UBA52: variants seen among roughly 807,000 people sequenced by gnomAD.
The protein encoded by UBA52 is ubiquitin A-52 residue ribosomal protein fusion product 1.
Under a neutral mutation model 15.3 loss-of-function variants are expected in UBA52, and 1 was observed. That is an observed-to-expected ratio of 0.07 (90% CI 0.02 to 0.31). UBA52 has a LOEUF of 0.31. Among genes scored for constraint, UBA52 ranks in the 10% least tolerant of loss-of-function variants. UBA52 has a pLI of 1.00. For missense variants in UBA52, 87 were observed against 168.0 expected (o/e 0.52, Z 2.66); for synonymous variants, 50 against 58.3 (o/e 0.86, Z 0.65).
Position 18,573,823 on chromosome 19 carries a change from G to A in UBA52, c.190+75G>A, listed in dbSNP as rs949434100. The A allele has an allele frequency of 7.8e-6, 11 of 1,403,262 alleles. No homozygotes were observed. In the Admixed American group the frequency reaches 9.3e-5, roughly 12 times the overall value. 86.9% of individuals were successfully genotyped at this position (1,403,262 alleles called of 1,614,324 possible). On this transcript the variant is annotated intron_variant, in intron 3 of 4. Coordinates refer to ENST00000442744, the MANE Select transcript of UBA52 (RefSeq NM_001033930.3). ...GGAAAGGAGCATTGATGGCCTCAGG[G>A]GTTGGGGAGCAGTTCAAATGACTTG... is the stretch of plus-strand genomic sequence containing the variant.
chr19:18,565,039 C>T, the UBA52 span: 1 of 1,534,442 alleles, frequency 6.5e-7, no homozygotes, highest in Non-Finnish European at 8.7e-7. Flanking sequence ...CTCAGTGCCA[C>T]CCCAGCCCAG....
At chr19:18,567,248 G>GCC, upstream of UBA52, 2 of 1,500,902 alleles carry the variant, frequency 1.3e-6, no homozygotes, top group Non-Finnish European at 1.9e-6. Context: ...CTTCTGGAAG[G>GCC]CCACCTTGGG....
intron 1 of UBA52, chr19:18,572,170 T>C (rs1439126880): frequency 6.6e-6 from 1 of 152,214 alleles, no homozygotes; most frequent in Non-Finnish European, 1.5e-5. Context: ...TCCGAGTTAA[T>C]GAGAGAGGGG....
upstream of UBA52, chr19:18,571,814 C>A (rs913317093): frequency 6.6e-6 from 1 of 152,348 alleles, no homozygotes; most frequent in Admixed American, 6.5e-5. Flanking sequence ...GCTCCGTGCG[C>A]AAGCGCTTTC....
At chr19:18,573,225 G>A in intron 1 of UBA52, 68 bp from the exon 2 acceptor site, 2 of 1,440,790 alleles carry the variant, frequency 1.4e-6, no homozygotes, top group East Asian at 2.3e-5. Context: ...TGTGGTGTAG[G>A]CACCTGAGCT....
upstream of UBA52, among the ~76,000 whole-genome samples, chr19:18,570,418 T>C (rs2145271935): frequency 6.6e-6 from 1 of 151,900 alleles, no homozygotes; most frequent in East Asian, 1.9e-4. Context: ...TCCAGGCTGG[T>C]CGTGAATTCC....
the UBA52 span, chr19:18,564,998 G>A: frequency 1.9e-6 from 3 of 1,606,980 alleles, no homozygotes; most frequent in Non-Finnish European, 2.5e-6. Context: ...AACGGGACCT[G>A]GACAGCATCT....
upstream of UBA52, among the ~76,000 whole-genome samples, chr19:18,571,291 C>A (rs569807949): frequency 1.5e-5 from 2 of 133,774 alleles, no homozygotes; most frequent in East Asian, 4.3e-4. Context: ...GCCTGGGCAA[C>A]GAGAGCGAAA....
chr19:18,570,544 A>C (rs1600606459), upstream of UBA52, among the ~76,000 whole-genome samples: 4 of 103,628 alleles, frequency 3.9e-5, no homozygotes, highest in African/African-American at 1.2e-4. Context: ...ATGGAGTCTC[A>C]CTCTGTCACC....
upstream of UBA52, among the ~76,000 whole-genome samples, chr19:18,570,680 T>C (rs1044049495): frequency 6.7e-6 from 1 of 150,000 alleles, no homozygotes; most frequent in South Asian, 2.1e-4. Flanking sequence ...CCTGAAAAAT[T>C]TTTGTAATTT....
chr19:18,574,863 C>A lies in UBA52; in HGVS notation c.191-7C>A, dbSNP rs188555216. On this transcript the variant is annotated splice_region_variant and splice_polypyrimidine_tract_variant and intron_variant, in intron 3 of 4. Transcript: ENST00000442744. ...TCAGTCGCCGTCCTTCTGGCTGTCT[C>A]CTGCAGAGTCCACCCTGCACCTGGT... is the stretch of plus-strand genomic sequence containing the variant. 616 of 1,612,966 alleles carry A rather than the reference C, an allele frequency of 3.8e-4. 1 individual carries two copies. The highest frequency in any genetic ancestry group is 1.6e-5 in the Non-Finnish European group (19 of 1,179,996).
the UBA52 span, among the ~76,000 whole-genome samples, chr19:18,565,732 G>A: frequency 6.6e-6 from 1 of 152,104 alleles, no homozygotes; most frequent in Non-Finnish European, 1.5e-5. Context: ...CTGTCGCCCA[G>A]GCTGGAGTGC....
Position 18,576,121 on chromosome 19 carries a change from CCT to C in UBA52, c.*975_*976del, listed in dbSNP as rs1975773337. Reference sequence around the variant, plus strand: ...TCAGTGCTCTGCCCCTGAGCTGTACCCTCTCCTATGATAATCACTCTTAAGAA... The same window carrying C: ...TCAGTGCTCTGCCCCTGAGCTGTACCCTCCTATGATAATCACTCTTAAGAA... On this transcript the variant is annotated 3_prime_UTR_variant, in exon 5 of 5. Coordinates refer to ENST00000442744, the MANE Select transcript of UBA52 (RefSeq NM_001033930.3). 1 of 152,014 alleles carries C rather than the reference CCT, an allele frequency of 6.6e-6. No individual in the cohort carries two copies. The highest frequency in any genetic ancestry group is 1.5e-5 in the Non-Finnish European group (1 of 68,052). The allele number at this position is 152,014 out of a possible 1,614,324, so 9.4% of individuals were successfully genotyped here.
chr19:18,571,973 G>T, intron 1 of UBA52, 64 bp downstream of exon 1: 1 of 152,628 alleles, frequency 6.6e-6, no homozygotes, highest in Non-Finnish European at 1.5e-5. Context: ...GGCGGCAGAA[G>T]AGGCGGCCCT....
chr19:18,574,986 G>C lies in UBA52; in HGVS notation c.293+14G>C, dbSNP rs776631693. ...GATCTGCCGCAAGTATGTGTGCTCC[G>C]ATGCTTGGGGGGCTGTGGGGGCTGC... is the stretch of plus-strand genomic sequence containing the variant. On this transcript the variant is annotated intron_variant, in intron 4 of 4. Transcript: ENST00000442744. 1 of 1,614,002 alleles carries C rather than the reference G, an allele frequency of 6.2e-7. No homozygotes were observed. Among genetic ancestry groups the C allele is most frequent in the African/African-American group, 1.3e-5 (1 of 74,866 alleles).
rs1338455900 is a variant in UBA52, at chr19:18,575,657, C to G, written c.*507C>G. ...CAGGCTGGTCTTGAACTCCTGGGCT[C>G]AAGCCATCCGCCCATCTCAGCCCCT... On this transcript the variant is annotated 3_prime_UTR_variant, in exon 5 of 5. Transcript: ENST00000442744. 1.8e-5 allele frequency: 3 copies of G among 167,676 alleles called. No homozygotes were observed. Among genetic ancestry groups the G allele is most frequent in the South Asian group, 2.9e-4 (2 of 6,890 alleles). The allele number at this position is 167,676 out of a possible 1,614,324, so 10.4% of individuals were successfully genotyped here. A position where few individuals can be genotyped will look rare whatever the true frequency, so the allele number is the denominator to read the frequency against.
At chr19:18,567,246 A>G (rs1568423149), upstream of UBA52, 9 of 1,530,112 alleles carry the variant, frequency 5.9e-6, no homozygotes, top group Non-Finnish European at 7.2e-6. Context: ...GGCTTCTGGA[A>G]GGCCACCTTG....
chr19:18,572,790 C>T, intron 1 of UBA52: 1 of 1,003,594 alleles, frequency 1.0e-6, no homozygotes, highest in Non-Finnish European at 1.2e-6. Context: ...GGTGCTCCAG[C>T]TTGGAGTTAG....
upstream of UBA52, chr19:18,568,401 G>C: frequency 1.2e-6 from 2 of 1,612,322 alleles, no homozygotes; most frequent in Non-Finnish European, 1.7e-6. Flanking sequence ...CCTTCCCCCA[G>C]ATATCCCAGA....
Sources: allele counts gnomAD v4.1 joint callset (sites outside exome capture counted in the v4.1 genomes callset), GRCh38; gene constraint gnomAD v4.1.1; transcripts MANE v1.5; gene names NCBI Gene and HGNC (gene_info 2026-07-23, HGNC 2026-07-21).